SEL1L3: variants seen among roughly 807,000 people sequenced by gnomAD.
SEL1L3 encodes the protein protein sel-1 homolog 3.
Under a neutral mutation model 142.8 loss-of-function variants are expected in SEL1L3, and 76 were observed. The ratio of observed to expected loss-of-function variants is 0.53; its 90% confidence interval spans 0.44 to 0.64. SEL1L3 has a LOEUF of 0.64. SEL1L3 is among the 30% of genes least tolerant of loss of function. The pLI, the probability that SEL1L3 is intolerant of heterozygous loss-of-function variation, is 0.00. For synonymous variants in SEL1L3, 504 were observed against 519.6 expected, an observed-to-expected ratio of 0.97 and a Z score of 0.41; for missense variants, 1,262 against 1,381.7, an observed-to-expected ratio of 0.91 and a Z score of 1.37.
intron 17 of SEL1L3, among the ~76,000 whole-genome samples, chr4:25,771,410 T>C (rs145100694): frequency 2.9e-4 from 44 of 152,328 alleles, no homozygotes; most frequent in Non-Finnish European, 5.3e-4. Context: ...AGCAAATGCA[T>C]TTCTAGAACT....
At chr4:25,767,864 A>C in intron 17 of SEL1L3, 34 bp from the exon 18 acceptor site, 5 of 1,272,212 alleles carry the variant, frequency 3.9e-6, no homozygotes, top group Non-Finnish European at 4.5e-6. Flanking sequence ...AATTTCATAT[A>C]GTGGCTCTTA....
intron 2 of SEL1L3, among the ~76,000 whole-genome samples, chr4:25,836,810 C>T (rs910944087): frequency 7.9e-5 from 12 of 152,132 alleles, no homozygotes; most frequent in African/African-American, 2.7e-4. Context: ...ATTATGGGGG[C>T]TTCAGCTTAG....
At chr4:25,823,523 A>G (rs1020298648) in intron 6 of SEL1L3, among the ~76,000 whole-genome samples, 5 of 152,150 alleles carry the variant, frequency 3.3e-5, no homozygotes, top group Non-Finnish European at 2.9e-5. Flanking sequence ...TCAAAATAAT[A>G]ATAACAAAAA....
At chr4:25,826,412 C>T (rs1182015761) in intron 6 of SEL1L3, among the ~76,000 whole-genome samples, 1 of 152,180 alleles carries the variant, frequency 6.6e-6, no homozygotes, top group African/African-American at 2.4e-5. Context: ...TGCCTGGGAA[C>T]ACCTATAACC....
chr4:25,757,962 T>C (rs1718108845), intron 21 of SEL1L3, 172 bp from the exon 22 acceptor site: 1 of 607,572 alleles, frequency 1.6e-6, no homozygotes, highest in South Asian at 2.0e-5. Context: ...AATAAGTGGT[T>C]TGGCCTGATC....
chr4:25,757,877 C>T (rs1718103381), intron 21 of SEL1L3, 87 bp from the exon 22 acceptor site: 1 of 880,686 alleles, frequency 1.1e-6, no homozygotes, highest in Admixed American at 2.1e-5. Flanking sequence ...CACAAACCTA[C>T]ATTCTTCTGC....
the SEL1L3 span, among the ~76,000 whole-genome samples, chr4:25,717,716 A>T: frequency 3.2e-3 from 492 of 152,320 alleles, 2 homozygotes; most frequent in African/African-American, 0.011. Context: ...GCTAAGAAGC[A>T]AAGATGTTTT....
rs549146441 is a variant in SEL1L3, at chr4:25,747,726, C to T, written c.*699G>A. ...AACGTGTAATTCATGGAGAAGACTACAGTTAAGTACTAAGAATCTTCTAAA... is the reference window on the plus strand; with the variant it reads ...AACGTGTAATTCATGGAGAAGACTATAGTTAAGTACTAAGAATCTTCTAAA... On this transcript the variant is annotated 3_prime_UTR_variant, in exon 24 of 24. Transcript: ENST00000399878. 6.6e-6 allele frequency: 1 copy of T among 152,550 alleles called. No individual in the cohort carries two copies. The highest frequency in any genetic ancestry group is 1.5e-5 in the Non-Finnish European group (1 of 68,070). The allele number at this position is 152,550 out of a possible 1,614,324, so 9.4% of individuals were successfully genotyped here.
intron 19 of SEL1L3, among the ~76,000 whole-genome samples, chr4:25,766,465 G>A (rs1718742069): frequency 6.6e-6 from 1 of 150,454 alleles, no homozygotes; most frequent in Non-Finnish European, 1.5e-5. Flanking sequence ...AAGGGTGTAT[G>A]TATTAGTCAA....
downstream of SEL1L3, among the ~76,000 whole-genome samples, chr4:25,744,291 T>C (rs182829060): frequency 2.6e-5 from 4 of 151,526 alleles, no homozygotes; most frequent in Non-Finnish European, 4.4e-5. Flanking sequence ...TATTTGAAGA[T>C]AGGGCCTTTT....
chr4:25,833,355 C>A (rs1401765606), intron 4 of SEL1L3, 93 bp downstream of exon 4: 3 of 1,255,426 alleles, frequency 2.4e-6, no homozygotes, highest in Non-Finnish European at 3.3e-6. Flanking sequence ...GCCATGTTGA[C>A]AGGATCTTCC....
In SEL1L3 at chr4:25,777,145, T is replaced by C. The variant is rs530360973; in HGVS notation, c.2586-785A>G. On this transcript the variant is annotated intron_variant, in intron 16 of 23. Coordinates refer to ENST00000399878, the MANE Select transcript of SEL1L3 (RefSeq NM_015187.5). ...TGAAGAAAAGTTGAAAGCAAAAAAA[T>C]GGAAAAAGATAAATCATACAAACTC... Among the ~76,000 whole-genome samples the C allele has an allele frequency of 4.6e-5, 7 of 151,688 alleles. No individual in the cohort carries two copies. In the South Asian group the frequency reaches 1.0e-3, roughly 23 times the overall value.
intron 1 of SEL1L3, chr4:25,860,537 T>C (rs1300409572): frequency 6.6e-6 from 1 of 152,274 alleles, no homozygotes; most frequent in African/African-American, 2.4e-5. Context: ...TCTTGGGTAG[T>C]GTAGACCCAA....
At chr4:25,761,237 C>T (rs747691135) in intron 20 of SEL1L3, among the ~76,000 whole-genome samples, 2 of 148,924 alleles carry the variant, frequency 1.3e-5, no homozygotes, top group South Asian at 2.1e-4. Context: ...CTCAGTGCAT[C>T]GTCCGCCTCC....
intron 1 of SEL1L3, among the ~76,000 whole-genome samples, chr4:25,852,360 C>T (rs1488004415): frequency 6.6e-6 from 1 of 152,202 alleles, no homozygotes. Context: ...GGTCACCATT[C>T]CATGGCCTCC....
the SEL1L3 span, among the ~76,000 whole-genome samples, chr4:25,734,858 G>A: frequency 6.6e-6 from 1 of 152,014 alleles, no homozygotes; most frequent in Admixed American, 6.6e-5. Flanking sequence ...TGTCAGCCAC[G>A]ATGCCCAGCC....
chr4:25,768,389 G>A (rs2109140944), intron 17 of SEL1L3, among the ~76,000 whole-genome samples: 1 of 152,254 alleles, frequency 6.6e-6, no homozygotes, highest in African/African-American at 2.4e-5. Context: ...CAAAATGAGT[G>A]ACCACTTTTC....
At chr4:25,817,226 G>A (rs1008307452) in intron 9 of SEL1L3, among the ~76,000 whole-genome samples, 6 of 152,260 alleles carry the variant, frequency 3.9e-5, no homozygotes, top group African/African-American at 1.4e-4. Flanking sequence ...ATTCTTAGGC[G>A]GTGGGTACAA....
At chr4:25,860,664 T>C (rs1717641313) in intron 1 of SEL1L3, 1 of 152,180 alleles carries the variant, frequency 6.6e-6, no homozygotes, top group Non-Finnish European at 1.5e-5. Flanking sequence ...GTCTGTCTTG[T>C]ACAGTAAGCG....
Sources: allele counts gnomAD v4.1 joint callset (sites outside exome capture counted in the v4.1 genomes callset), GRCh38; gene constraint gnomAD v4.1.1; transcripts MANE v1.5; gene names NCBI Gene and HGNC (gene_info 2026-07-23, HGNC 2026-07-21).